OR6N1: variants seen among roughly 807,000 people sequenced by gnomAD.
OR6N1 encodes the protein olfactory receptor family 6 subfamily N member 1, also known as olfactory receptor 6N1.
For missense variants in OR6N1, 394 were observed against 371.7 expected (o/e 1.06, Z -0.49); for synonymous variants, 170 against 150.7 (o/e 1.13, Z -0.94).
At chr1:158,793,705 A>T in the OR6N1 span, among the ~76,000 whole-genome samples, 1 of 152,096 alleles carries the variant, frequency 6.6e-6, no homozygotes, top group African/African-American at 2.4e-5. Context: ...TGCACTTTTT[A>T]AATTTTTTTT....
At chr1:158,808,214 T>A in the OR6N1 span, among the ~76,000 whole-genome samples, 125 of 134,470 alleles carry the variant, frequency 9.3e-4, 3 homozygotes, top group Non-Finnish European at 2.0e-4. Flanking sequence ...CTCGACTCAC[T>A]GCAAGCTCCG....
chr1:158,839,700 A>T, the OR6N1 span, among the ~76,000 whole-genome samples: 2 of 152,218 alleles, frequency 1.3e-5, no homozygotes, highest in Admixed American at 6.5e-5. Context: ...TCAAGGGAGA[A>T]AGTTAAACAG....
At chr1:158,824,263 CT>C in the OR6N1 span, among the ~76,000 whole-genome samples, 2 of 152,110 alleles carry the variant, frequency 1.3e-5, no homozygotes. Context: ...CACAAGCTCT[CT>C]TTTTGCCTGC....
chr1:158,778,539 C>G, the OR6N1 span, among the ~76,000 whole-genome samples: 7 of 152,312 alleles, frequency 4.6e-5, no homozygotes, highest in Admixed American at 1.3e-4. Flanking sequence ...GACCTTAGCT[C>G]CATAGATGCA....
At chr1:158,793,286 T>C in the OR6N1 span, among the ~76,000 whole-genome samples, 6 of 152,104 alleles carry the variant, frequency 3.9e-5, no homozygotes, top group Non-Finnish European at 8.8e-5. Flanking sequence ...AAAGATTTCA[T>C]CTTGGTTTGA....
chr1:158,824,506 T>C, the OR6N1 span, among the ~76,000 whole-genome samples: 3 of 152,218 alleles, frequency 2.0e-5, no homozygotes, highest in Admixed American at 6.5e-5. Flanking sequence ...TTTTAGAGTA[T>C]GTGCCATGTG....
the OR6N1 span, among the ~76,000 whole-genome samples, chr1:158,782,060 C>T: frequency 6.6e-6 from 1 of 152,188 alleles, no homozygotes; most frequent in African/African-American, 2.4e-5. Flanking sequence ...TCTTAATGGT[C>T]AAAGGAGCAT....
At chr1:158,834,035 T>C in the OR6N1 span, among the ~76,000 whole-genome samples, 1 of 152,166 alleles carries the variant, frequency 6.6e-6, no homozygotes, top group East Asian at 1.9e-4. Flanking sequence ...GTTATTTTTT[T>C]GACAGTACCA....
the OR6N1 span, among the ~76,000 whole-genome samples, chr1:158,791,079 T>C: frequency 1.3e-5 from 2 of 152,246 alleles, no homozygotes; most frequent in African/African-American, 4.8e-5. Context: ...TATTGACTTA[T>C]GTATGTTGAA....
At chr1:158,797,823 T>G in the OR6N1 span, among the ~76,000 whole-genome samples, 8 of 152,334 alleles carry the variant, frequency 5.3e-5, no homozygotes, top group South Asian at 1.7e-3. Flanking sequence ...GCATTGCCAG[T>G]GTTTTAATTC....
chr1:158,821,584 G>T, the OR6N1 span, among the ~76,000 whole-genome samples: 1 of 151,974 alleles, frequency 6.6e-6, no homozygotes, highest in African/African-American at 2.4e-5. Context: ...CATTTAATAA[G>T]GTTTCTCCAT....
At chr1:158,795,660 A>G in the OR6N1 span, among the ~76,000 whole-genome samples, 2 of 152,140 alleles carry the variant, frequency 1.3e-5, no homozygotes, top group Non-Finnish European at 2.9e-5. Flanking sequence ...TCCCTAAATC[A>G]GCCCCAGCAT....
At chr1:158,814,441 C>T in the OR6N1 span, among the ~76,000 whole-genome samples, 4 of 152,152 alleles carry the variant, frequency 2.6e-5, no homozygotes, top group African/African-American at 4.8e-5. Context: ...CCTCATCTTA[C>T]ACAGTTTGAG....
chr1:158,787,896 C>G, the OR6N1 span, among the ~76,000 whole-genome samples: 1 of 151,112 alleles, frequency 6.6e-6, no homozygotes, highest in Non-Finnish European at 1.5e-5. Flanking sequence ...ACTTTTAGAG[C>G]CTTATATCCA....
chr1:158,787,124 G>A, the OR6N1 span, among the ~76,000 whole-genome samples: 2 of 151,900 alleles, frequency 1.3e-5, no homozygotes, highest in African/African-American at 2.4e-5. Flanking sequence ...GGCTTGGTGC[G>A]ATTCTCCATA....
the OR6N1 span, among the ~76,000 whole-genome samples, chr1:158,823,689 G>T: frequency 1.3e-5 from 2 of 150,860 alleles, no homozygotes; most frequent in Non-Finnish European, 3.0e-5. Context: ...CTTTCATATG[G>T]TTTTTTGTGT....
upstream of OR6N1, among the ~76,000 whole-genome samples, chr1:158,772,716 C>A (rs572201971): frequency 6.6e-6 from 1 of 152,156 alleles, no homozygotes; most frequent in Non-Finnish European, 1.5e-5. Context: ...GTGTTATCTG[C>A]TCCGTAAAGA....
the OR6N1 span, among the ~76,000 whole-genome samples, chr1:158,787,513 G>A: frequency 6.6e-6 from 1 of 151,772 alleles, no homozygotes; most frequent in Admixed American, 6.6e-5. Context: ...TTACAAAAAC[G>A]AACTATCTTG....
the OR6N1 span, among the ~76,000 whole-genome samples, chr1:158,832,740 G>C: frequency 2.6e-5 from 4 of 151,856 alleles, no homozygotes; most frequent in Non-Finnish European, 4.4e-5. Flanking sequence ...CTTTAAGTTA[G>C]AGTTTGAAGA....
Sources: allele counts gnomAD v4.1 joint callset (sites outside exome capture counted in the v4.1 genomes callset), GRCh38; gene constraint gnomAD v4.1.1; transcripts MANE v1.5; gene names NCBI Gene and HGNC (gene_info 2026-07-23, HGNC 2026-07-21).